The following BRWD3 variants were observed in gnomAD, a reference collection of about 807,000 sequenced individuals.
The protein encoded by BRWD3 is bromodomain and WD repeat-containing protein 3.
Under a neutral mutation model 149.7 loss-of-function variants are expected in BRWD3, and 10 were observed. The observed-to-expected ratio is 0.07, with a 90% confidence interval of 0.04 to 0.11. The LOEUF (loss-of-function observed/expected upper bound fraction) is 0.11. BRWD3 is among the 10% of genes least tolerant of loss of function. The probability of loss-of-function intolerance (pLI) is 1.00; values close to 1 mark genes in which losing one functional copy is unlikely to be tolerated. For missense variants in BRWD3, 940 were observed against 1,373.2 expected (o/e 0.68, Z 4.99); for synonymous variants, 504 against 456.7 (o/e 1.10, Z -1.32).
chrX:80,690,667 G>A (rs1198305528), intron 31 of BRWD3, among the ~76,000 whole-genome samples: 1 of 110,885 alleles, frequency 9.0e-6, no homozygotes, highest in African/African-American at 3.3e-5. Context: ...CTCCTTTCCT[G>A]TATATATTTC....
Position 80,676,916 on chromosome X carries a change from C to G in BRWD3, c.5102G>C (p.Gly1701Ala). The change falls in exon 41 of 41, where the codon GGA (glycine) becomes GCA (alanine). Residue 1701 changes from glycine to alanine, a missense_variant. By Grantham distance (60) the Gly-to-Ala change is moderately conservative. Around this residue, in one of 6 missense-constraint regions of BRWD3, gnomAD observed 349 missense variants for 419.6 expected, o/e 0.83. Transcript: ENST00000373275. ...TCTTCCCCTCCCCCTAGTGCCACCT[C>G]CACCTCTTCCTCGACTCCCTCGTCC... is the stretch of plus-strand genomic sequence containing the variant. The part of the protein sequence containing the change: ...GRGRGSRGRG[G>A]GGTRGRGRGR... 1 of 1,205,103 alleles carries G rather than the reference C, an allele frequency of 8.3e-7. No individual in the cohort carries two copies. The highest frequency in any genetic ancestry group is 1.8e-5 in the South Asian group (1 of 56,788).
At chrX:80,740,320 A>T (rs2073467320) in intron 8 of BRWD3, among the ~76,000 whole-genome samples, 1 of 112,515 alleles carries the variant, frequency 8.9e-6, no homozygotes, top group African/African-American at 3.2e-5. Context: ...AAAGAAGAGG[A>T]CAAAAGCTCA....
At chrX:80,768,097 C>T (rs746514246) in intron 6 of BRWD3, among the ~76,000 whole-genome samples, 20 of 111,745 alleles carry the variant, frequency 1.8e-4, no homozygotes, top group South Asian at 7.5e-4. Flanking sequence ...ACCAAATCTA[C>T]GTCTGATTAG....
intron 24 of BRWD3, among the ~76,000 whole-genome samples, chrX:80,703,239 ATTAAT>A (rs2072815644): frequency 9.0e-6 from 1 of 111,192 alleles, no homozygotes; most frequent in Admixed American, 9.7e-5. Flanking sequence ...TCACAAGCTG[ATTAAT>A]TTATCTCAAT....
chrX:80,732,566 A>G (rs972742702), intron 12 of BRWD3, among the ~76,000 whole-genome samples: 4 of 110,780 alleles, frequency 3.6e-5, no homozygotes, highest in African/African-American at 1.3e-4. Context: ...AGAAGAGAAT[A>G]AAGGAGAAAG....
chrX:80,699,862 GA>G, intron 25 of BRWD3, 94 bp downstream of exon 25: 2 of 584,333 alleles, frequency 3.4e-6, no homozygotes, highest in Non-Finnish European at 5.8e-6. Flanking sequence ...AATCAACAGT[GA>G]AATATGCATA....
At chrX:80,707,336 T>G in intron 22 of BRWD3, 91 bp downstream of exon 22, 2 of 872,430 alleles carry the variant, frequency 2.3e-6, no homozygotes, top group Non-Finnish European at 3.3e-6. Flanking sequence ...AAACACTATT[T>G]TAATTCTGGT....
In BRWD3 at chrX:80,669,969, A is replaced by T. The variant is rs192201825; in HGVS notation, c.*6640T>A. Among the ~76,000 whole-genome samples, 147 of 111,301 alleles carry T rather than the reference A, an allele frequency of 1.3e-3. No homozygotes were observed. The highest frequency in any genetic ancestry group is 4.6e-3 in the African/African-American group (142 of 30,743). On this transcript the variant is annotated 3_prime_UTR_variant, in exon 41 of 41. Coordinates refer to ENST00000373275, the MANE Select transcript of BRWD3 (RefSeq NM_153252.5). The stretch of plus-strand genomic sequence containing the variant: ...GTCTCCAACATCAAATTAAATATCA[A>T]TTTGTTAATTAATAACTGTTAAAAC...
intron 4 of BRWD3, among the ~76,000 whole-genome samples, chrX:80,800,252 C>CT (rs1398759700): frequency 0.083 from 7,459 of 90,411 alleles, 338 homozygotes; most frequent in South Asian, 0.17. Context: ...AGAAGGGCTT[C>CT]TTTTTTTTTT....
intron 4 of BRWD3, among the ~76,000 whole-genome samples, chrX:80,806,643 A>C: frequency 8.9e-6 from 1 of 112,346 alleles, no homozygotes; most frequent in Non-Finnish European, 1.9e-5. Flanking sequence ...AACTATGCAA[A>C]GTTATTAGTA....
chrX:80,677,189 C>A lies in BRWD3; in HGVS notation c.4829G>T (p.Gly1610Val). ...HLSTSESGEL[G>V]SSLSSESTCG... ...GGTACTTTCAGAACTTAAACTGGAT[C>A]CTAACTCTCCACTCTCTGAGGTGGA... is the stretch of plus-strand genomic sequence containing the variant. The change falls in exon 41 of 41, where the codon GGA becomes GTA. Residue 1610 changes from glycine to valine, a missense_variant. Physicochemically the swap from Gly to Val is moderately radical, Grantham distance 109. This residue lies in a region of BRWD3 where 349 missense variants were observed against 419.6 expected (regional missense o/e 0.83). Coordinates refer to ENST00000373275, the MANE Select transcript of BRWD3 (RefSeq NM_153252.5). 2 of 1,211,184 alleles carry A rather than the reference C, an allele frequency of 1.7e-6. No homozygotes were observed. The highest frequency in any genetic ancestry group is 2.2e-6 in the Non-Finnish European group (2 of 895,271).
intron 3 of BRWD3, 61 bp from the exon 4 acceptor site, chrX:80,808,659 C>T: frequency 9.4e-7 from 1 of 1,059,680 alleles, no homozygotes; most frequent in Non-Finnish European, 1.3e-6. Context: ...AAAGCCTCCG[C>T]TCCCCATCAA....
Position 80,676,400 on chromosome X carries a change from T to TA in BRWD3, c.*208dup. ...GTGTGTGTGTGGGCAGAATTTCTTT[T>TA]AATTTAAGGCCTAATGAGTAAGGCT... On this transcript the variant is annotated 3_prime_UTR_variant, in exon 41 of 41. Coordinates refer to ENST00000373275, the MANE Select transcript of BRWD3 (RefSeq NM_153252.5). The TA allele has an allele frequency of 2.2e-6, 1 of 465,102 alleles. No homozygotes were observed. The highest frequency in any genetic ancestry group is 3.6e-6 in the Non-Finnish European group (1 of 277,642). The allele number at this position is 465,102 out of a possible 1,213,427, so 38.3% of individuals were successfully genotyped here.
chrX:80,726,080 C>A (rs749511453), intron 14 of BRWD3, among the ~76,000 whole-genome samples: 1 of 93,937 alleles, frequency 1.1e-5, no homozygotes, highest in African/African-American at 3.9e-5. Context: ...TACATGTTGT[C>A]TGTATAACAA....
At chrX:80,682,336 T>G in intron 38 of BRWD3, 129 bp downstream of exon 38, 1 of 776,307 alleles carries the variant, frequency 1.3e-6, no homozygotes, top group East Asian at 3.2e-5. Flanking sequence ...TACATAGGCA[T>G]AAGAGTTTAG....
At position 80,670,882 on chromosome X, in the gene BRWD3, TAAATACACA is replaced by T. The variant is rs1602289553; in HGVS notation, c.*5718_*5726del. 1 of 111,630 alleles carries T rather than the reference TAAATACACA, an allele frequency of 9.0e-6. No homozygotes were observed. Among genetic ancestry groups the T allele is most frequent in the Admixed American group, 9.6e-5 (1 of 10,457 alleles). The allele number at this position is 111,630 out of a possible 1,213,427, so 9.2% of individuals were successfully genotyped here. On this transcript the variant is annotated 3_prime_UTR_variant, in exon 41 of 41. Coordinates refer to ENST00000373275, the MANE Select transcript of BRWD3 (RefSeq NM_153252.5). ...TTTCCTAAATGCATTTTTTTTATTCTAAATACACAAAATACACAGTATATATATATCAAA... is the reference window on the plus strand; with the variant it reads ...TTTCCTAAATGCATTTTTTTTATTCTAAATACACAGTATATATATATCAAA...
At position 80,799,426 on chromosome X, in the gene BRWD3, T is replaced by C. The variant is rs1482818124; in HGVS notation, c.181-5654A>G. 2.1e-4 allele frequency among the ~76,000 whole-genome samples: 23 copies of C among 112,061 alleles called. No homozygotes were observed. In the Admixed American group the frequency reaches 2.2e-3, roughly 11 times the overall value. On this transcript the variant is annotated intron_variant, in intron 4 of 40. Coordinates refer to ENST00000373275, the MANE Select transcript of BRWD3 (RefSeq NM_153252.5). ...TCTAAAAAACAAATATAGCAGAGAATACGCTATTTGTTTTCCAAGACCATG... is the reference window on the plus strand; with the variant it reads ...TCTAAAAAACAAATATAGCAGAGAACACGCTATTTGTTTTCCAAGACCATG...
rs1396539172 is a variant in BRWD3, at chrX:80,674,099, TAATA to T, written c.*2506_*2509del. The T allele has an allele frequency of 1.8e-5, 2 of 111,981 alleles. No individual in the cohort carries two copies. Among genetic ancestry groups the T allele is most frequent in the Admixed American group, 1.9e-4 (2 of 10,579 alleles). 9.2% of individuals were successfully genotyped at this position (111,981 alleles called of 1,213,427 possible). A position where few individuals can be genotyped will look rare whatever the true frequency, so the allele number is the denominator to read the frequency against. ...GCAAACAGAAAATTATCTGTTTGTT[TAATA>T]AATGATAACTATGTTTATCTAACAT... is the stretch of plus-strand genomic sequence containing the variant. On this transcript the variant is annotated 3_prime_UTR_variant, in exon 41 of 41. Coordinates refer to ENST00000373275, the MANE Select transcript of BRWD3 (RefSeq NM_153252.5).
At chrX:80,804,916 A>G (rs2074335267) in intron 4 of BRWD3, among the ~76,000 whole-genome samples, 1 of 112,385 alleles carries the variant, frequency 8.9e-6, no homozygotes, top group South Asian at 3.7e-4. Flanking sequence ...TTTTCCCTCT[A>G]TCATTACTTA....
Sources: allele counts gnomAD v4.1 joint callset (sites outside exome capture counted in the v4.1 genomes callset), GRCh38; gene constraint gnomAD v4.1.1; regional missense constraint gnomAD v4.1.1; transcripts MANE v1.5; gene names NCBI Gene and HGNC (gene_info 2026-07-23, HGNC 2026-07-21).